CSMD3: variants seen among roughly 807,000 people sequenced by gnomAD.
The protein encoded by CSMD3 is CUB and sushi domain-containing protein 3.
A neutral mutation model predicts 435.2 loss-of-function variants in CSMD3; 177 were observed. That is an observed-to-expected ratio of 0.41 (90% CI 0.36 to 0.46). The LOEUF (loss-of-function observed/expected upper bound fraction) is 0.46, where lower values mean the gene tolerates loss of function less well. Ranked by LOEUF, CSMD3 falls within the 20% of genes least tolerant of loss-of-function variation. CSMD3 has a pLI of 0.34. For synonymous variants in CSMD3, 1,656 were observed against 1,520.5 expected, an observed-to-expected ratio of 1.09 and a Z score of -2.07; for missense variants, 4,265 against 4,504.6, an observed-to-expected ratio of 0.95 and a Z score of 1.52.
At chr8:112,517,315 AT>A in intron 27 of CSMD3, 90 bp from the exon 28 acceptor site, 1 of 907,480 alleles carries the variant, frequency 1.1e-6, no homozygotes, top group Non-Finnish European at 1.7e-6. Flanking sequence ...AATTTTTAAA[AT>A]TTTGGGGTCA....
chr8:113,234,408 C>G (rs1289963837), intron 3 of CSMD3, among the ~76,000 whole-genome samples: 1 of 152,096 alleles, frequency 6.6e-6, no homozygotes, highest in Non-Finnish European at 1.5e-5. Context: ...GAAGCCCAGA[C>G]TTAACCAGCT....
Position 112,815,737 on chromosome 8 carries a change from A to G in CSMD3, c.1859+13949T>C, listed in dbSNP as rs144554363. The stretch of plus-strand genomic sequence containing the variant: ...ACAAATGCAAGCAAAACAGAAGTAA[A>G]CCCTTTTTTCAGGGAAATCATCAGT... On this transcript the variant is annotated intron_variant, in intron 12 of 70. Transcript: ENST00000297405. 2.5e-3 allele frequency among the ~76,000 whole-genome samples: 381 copies of G among 152,260 alleles called. 1 individual carries two copies. Among genetic ancestry groups the G allele is most frequent in the African/African-American group, 8.9e-3 (369 of 41,570 alleles).
intron 4 of CSMD3, among the ~76,000 whole-genome samples, chr8:113,135,775 T>C (rs1302418886): frequency 1.3e-5 from 2 of 151,854 alleles, no homozygotes; most frequent in Admixed American, 6.6e-5. Context: ...GAGAATCATT[T>C]GAGGAGACTG....
At chr8:113,413,048 C>G (rs1340217292) in intron 1 of CSMD3, among the ~76,000 whole-genome samples, 3 of 152,024 alleles carry the variant, frequency 2.0e-5, no homozygotes, top group Non-Finnish European at 2.9e-5. Flanking sequence ...TATCTTGCAA[C>G]TATATTTATT....
intron 22 of CSMD3, among the ~76,000 whole-genome samples, chr8:112,596,501 C>G (rs1430897869): frequency 6.6e-6 from 1 of 152,148 alleles, no homozygotes; most frequent in Non-Finnish European, 1.5e-5. Flanking sequence ...GAACTCAGCT[C>G]TGCACCAAGC....
chr8:113,408,105 A>G (rs1168490336), intron 1 of CSMD3, among the ~76,000 whole-genome samples: 1 of 152,112 alleles, frequency 6.6e-6, no homozygotes, highest in Non-Finnish European at 1.5e-5. Flanking sequence ...TTCTATACTG[A>G]GTTTAAAGAG....
chr8:112,957,741 CCGGGCGTGTTTGTGTGTTTTTTGAGA>C (rs1300675737), intron 7 of CSMD3, among the ~76,000 whole-genome samples: 1 of 143,798 alleles, frequency 7.0e-6, no homozygotes, highest in Non-Finnish European at 1.5e-5. Context: ...CCCACAGCTC[CCGGGCGTGTTTGTGTGTTTTTTGAGA>C]CGGAGTCTCG....
chr8:113,179,705 G>C (rs1564397739), intron 3 of CSMD3, among the ~76,000 whole-genome samples: 1 of 151,686 alleles, frequency 6.6e-6, no homozygotes. Flanking sequence ...AAATAAGTAA[G>C]TTTAAAATGC....
At chr8:112,744,051 AG>A (rs1322682369) in intron 13 of CSMD3, among the ~76,000 whole-genome samples, 3 of 152,078 alleles carry the variant, frequency 2.0e-5, no homozygotes, top group Non-Finnish European at 4.4e-5. Context: ...TTTTATGAAA[AG>A]GTTGTCATAT....
chr8:112,715,177 T>A (rs1378784869), intron 13 of CSMD3, among the ~76,000 whole-genome samples: 1 of 151,862 alleles, frequency 6.6e-6, no homozygotes, highest in East Asian at 1.9e-4. Flanking sequence ...GACCACTAGC[T>A]ACACTAATGA....
chr8:113,233,074 T>A (rs1055046378), intron 3 of CSMD3, among the ~76,000 whole-genome samples: 1 of 151,848 alleles, frequency 6.6e-6, no homozygotes, highest in Admixed American at 6.6e-5. Flanking sequence ...TTTCCATAAT[T>A]TTTGGAAGCT....
At chr8:112,290,613 TC>T (rs74480065) in intron 56 of CSMD3, among the ~76,000 whole-genome samples, 30,495 of 151,880 alleles carry the variant, frequency 0.2, 3,633 homozygotes, top group East Asian at 0.36. Flanking sequence ...CACAAAATGT[TC>T]ATAAAAGTAC....
intron 22 of CSMD3, among the ~76,000 whole-genome samples, chr8:112,628,214 T>C (rs1834647732): frequency 6.6e-6 from 1 of 152,206 alleles, no homozygotes. Flanking sequence ...AGTCAGCTAT[T>C]TTCCCTGTTA....
At chr8:113,372,211 G>T (rs2094349988) in intron 1 of CSMD3, among the ~76,000 whole-genome samples, 1 of 152,234 alleles carries the variant, frequency 6.6e-6, no homozygotes, top group East Asian at 1.9e-4. Context: ...AAAATTGTAT[G>T]AAGTACCATA....
chr8:112,730,406 T>A (rs1206325868), intron 13 of CSMD3, among the ~76,000 whole-genome samples: 2 of 152,144 alleles, frequency 1.3e-5, no homozygotes. Flanking sequence ...CAAGCTAGCA[T>A]GATGGAAAAT....
chr8:112,992,460 C>T (rs778061913), intron 6 of CSMD3, among the ~76,000 whole-genome samples: 3 of 151,690 alleles, frequency 2.0e-5, no homozygotes, highest in African/African-American at 4.8e-5. Context: ...TAGCCTAGTT[C>T]GCCTTGGTCT....
chr8:112,621,642 A>G (rs1206992563), intron 22 of CSMD3, among the ~76,000 whole-genome samples: 1 of 152,048 alleles, frequency 6.6e-6, no homozygotes, highest in Non-Finnish European at 1.5e-5. Flanking sequence ...AATCATTCCT[A>G]TTTAGCCTCT....
intron 28 of CSMD3, among the ~76,000 whole-genome samples, chr8:112,512,710 C>A (rs552273063): frequency 2.6e-5 from 4 of 152,118 alleles, no homozygotes; most frequent in Admixed American, 6.5e-5. Flanking sequence ...GTCAGCCTGT[C>A]CTTTGAAGCT....
chr8:113,434,895 G>T (rs1001262025), intron 1 of CSMD3, among the ~76,000 whole-genome samples: 12 of 152,152 alleles, frequency 7.9e-5, no homozygotes, highest in Admixed American at 4.6e-4. Context: ...ATCTGCCCCC[G>T]AATGTGTTTT....
Sources: gnomAD v4.1 joint callset for allele counts (sites outside exome capture counted in the v4.1 genomes callset) on GRCh38, gnomAD v4.1.1 for gene constraint, MANE v1.5 for transcripts, NCBI Gene and HGNC (gene_info 2026-07-23, HGNC 2026-07-21) for gene names.